Variants in DIP2C observed in about 807,000 individuals in gnomAD.
DIP2C encodes disco-interacting protein 2 homolog C.
A neutral mutation model predicts 192.4 loss-of-function variants in DIP2C; 33 were observed. That is an observed-to-expected ratio of 0.17 (90% CI 0.13 to 0.23). The LOEUF (loss-of-function observed/expected upper bound fraction) is 0.23. Ranked by LOEUF, DIP2C falls within the 10% of genes least tolerant of loss-of-function variation. The pLI is 1.00. For missense variants in DIP2C, 1,537 were observed against 2,110.1 expected, an observed-to-expected ratio of 0.73 and a Z score of 5.32; for synonymous variants, 979 against 864.1, an observed-to-expected ratio of 1.13 and a Z score of -2.33.
intron 18 of DIP2C, among the ~76,000 whole-genome samples, chr10:367,216 G>C (rs1171351888): frequency 1.3e-5 from 2 of 152,160 alleles, no homozygotes; most frequent in African/African-American, 4.8e-5. Flanking sequence ...AGGAGATCGA[G>C]ACCATCCTGG....
chr10:483,597 A>G (rs1037206245), intron 2 of DIP2C, among the ~76,000 whole-genome samples: 1 of 152,160 alleles, frequency 6.6e-6, no homozygotes, highest in African/African-American at 2.4e-5. Flanking sequence ...CGGCAGATAA[A>G]TTCTGAAATG....
intron 10 of DIP2C, among the ~76,000 whole-genome samples, chr10:397,382 T>C (rs539216223): frequency 2.6e-5 from 4 of 151,982 alleles, no homozygotes; most frequent in Non-Finnish European, 5.9e-5. Context: ...ATACAAAAAT[T>C]AGCCGGGTGT....
At chr10:410,380 G>T (rs1299231273) in intron 8 of DIP2C, among the ~76,000 whole-genome samples, 1 of 152,160 alleles carries the variant, frequency 6.6e-6, no homozygotes, top group Non-Finnish European at 1.5e-5. Flanking sequence ...ATTTATTCAT[G>T]TTCCCTCCTC....
intron 1 of DIP2C, among the ~76,000 whole-genome samples, chr10:592,391 T>C (rs992039409): frequency 3.3e-5 from 5 of 152,174 alleles, no homozygotes; most frequent in African/African-American, 1.2e-4. Flanking sequence ...TGAATAGACA[T>C]ACATACCCTC....
intron 1 of DIP2C, among the ~76,000 whole-genome samples, chr10:605,828 G>T (rs1426405947): frequency 6.6e-6 from 1 of 152,222 alleles, no homozygotes; most frequent in East Asian, 1.9e-4. Flanking sequence ...AAGAAAGGAG[G>T]AAGCGTCCTC....
chr10:484,016 C>T (rs1463605027), intron 2 of DIP2C, among the ~76,000 whole-genome samples: 1 of 152,098 alleles, frequency 6.6e-6, no homozygotes, highest in South Asian at 2.1e-4. Context: ...CCCTTTGTTG[C>T]CCAGGCTGGT....
intron 6 of DIP2C, among the ~76,000 whole-genome samples, chr10:416,308 CCACCAGCATTCAGCCTCA>C (rs764805838): frequency 9.3e-4 from 141 of 152,204 alleles, no homozygotes; most frequent in African/African-American, 1.7e-3. Flanking sequence ...TCTCCAGAGA[CCACCAGCATTCAGCCTCA>C]CACCAGCATT....
chr10:625,290 G>A (rs1588629241), intron 1 of DIP2C, among the ~76,000 whole-genome samples: 1 of 152,242 alleles, frequency 6.6e-6, no homozygotes, highest in South Asian at 2.1e-4. Flanking sequence ...TCCCATGACA[G>A]TGACTCAGAG....
chr10:432,467 CAT>C (rs1966870763), intron 4 of DIP2C, among the ~76,000 whole-genome samples: 1 of 152,086 alleles, frequency 6.6e-6, no homozygotes, highest in South Asian at 2.1e-4. Context: ...AATTTGTGGC[CAT>C]AGAGTTTTTC....
intron 1 of DIP2C, among the ~76,000 whole-genome samples, chr10:534,348 G>A (rs1847577827): frequency 6.6e-6 from 1 of 152,258 alleles, no homozygotes; most frequent in African/African-American, 2.4e-5. Flanking sequence ...CAGATGGTCA[G>A]GAGTTGGGCG....
chr10:427,662 TA>T (rs1966679341), intron 4 of DIP2C, among the ~76,000 whole-genome samples: 1 of 152,324 alleles, frequency 6.6e-6, no homozygotes, highest in Non-Finnish European at 1.5e-5. Flanking sequence ...ATAAGCACAT[TA>T]AAAGATGCTT....
At chr10:327,845 A>G (rs1314161321) in intron 30 of DIP2C, among the ~76,000 whole-genome samples, 6 of 152,200 alleles carry the variant, frequency 3.9e-5, no homozygotes, top group Non-Finnish European at 5.9e-5. Flanking sequence ...AAGATTAACA[A>G]CATCTCAGTT....
intron 1 of DIP2C, among the ~76,000 whole-genome samples, chr10:567,912 G>A (rs1026339727): frequency 6.6e-5 from 10 of 152,216 alleles, no homozygotes; most frequent in African/African-American, 2.4e-4. Flanking sequence ...TTATAGGTGT[G>A]AGCAATCGCG....
intron 1 of DIP2C, among the ~76,000 whole-genome samples, chr10:518,906 C>T (rs929420383): frequency 9.9e-5 from 15 of 152,236 alleles, no homozygotes; most frequent in Admixed American, 3.3e-4. Context: ...AGCCCCTCGA[C>T]GTCAGTCTGA....
At position 480,506 on chromosome 10, in the gene DIP2C, C is replaced by T. The variant is rs193142546; in HGVS notation, c.157+5953G>A. Among the ~76,000 whole-genome samples, 3 of 152,362 alleles carry T rather than the reference C, an allele frequency of 2.0e-5. No homozygotes were observed. The East Asian group carries it at 5.8e-4, about 29-fold the overall frequency. Reference sequence around the variant, plus strand: ...ATCTACCAGCCCGAGCTCCAGTCCACGCTCCTTGGATGAGATGCCAATCTC... The same window carrying T: ...ATCTACCAGCCCGAGCTCCAGTCCATGCTCCTTGGATGAGATGCCAATCTC... On this transcript the variant is annotated intron_variant, in intron 2 of 36. Coordinates refer to ENST00000280886, the MANE Select transcript of DIP2C (RefSeq NM_014974.3).
chr10:377,227 T>C lies in DIP2C; in HGVS notation c.1991+5420A>G, dbSNP rs570804481. ...AAACGGGATCACACTATATAAACTT[T>C]TTTACAAACTCTTTCTCATAAGCCT... is the stretch of plus-strand genomic sequence containing the variant. On this transcript the variant is annotated intron_variant, in intron 17 of 36. Transcript: ENST00000280886. Among the ~76,000 whole-genome samples, 6 of 152,258 alleles carry C rather than the reference T, an allele frequency of 3.9e-5. No individual in the cohort carries two copies. In the South Asian group the frequency reaches 1.2e-3, roughly 32 times the overall value.
At chr10:318,382 G>A (rs1225352588) in intron 31 of DIP2C, among the ~76,000 whole-genome samples, 2 of 152,216 alleles carry the variant, frequency 1.3e-5, no homozygotes, top group African/African-American at 2.4e-5. Context: ...GGCTCTTGCT[G>A]TCGGCAGTGA....
intron 17 of DIP2C, among the ~76,000 whole-genome samples, chr10:371,780 G>A (rs1174953951): frequency 2.0e-5 from 3 of 152,332 alleles, no homozygotes; most frequent in Non-Finnish European, 2.9e-5. Context: ...ACGTCCAGAC[G>A]CCCAGCCCTG....
At chr10:437,708 T>C (rs934853776) in intron 4 of DIP2C, 7 of 152,232 alleles carry the variant, frequency 4.6e-5, no homozygotes, top group Admixed American at 3.9e-4. Context: ...TGGCAAATTA[T>C]TCTTGTATCT....
Sources: gnomAD v4.1 joint callset for allele counts (sites outside exome capture counted in the v4.1 genomes callset) on GRCh38, gnomAD v4.1.1 for gene constraint, MANE v1.5 for transcripts, NCBI Gene and HGNC (gene_info 2026-07-23, HGNC 2026-07-21) for gene names.